Variants in CTNNBIP1 observed in about 807,000 individuals in gnomAD.
The protein encoded by CTNNBIP1 is beta-catenin-interacting protein 1.
Under a neutral mutation model 11.8 loss-of-function variants are expected in CTNNBIP1, and 7 were observed. The ratio of observed to expected loss-of-function variants is 0.60; its 90% CI spans 0.34 to 1.12. The LOEUF (loss-of-function observed/expected upper bound fraction) is 1.12, where lower values mean the gene tolerates loss of function less well. Ranked by LOEUF, CTNNBIP1 falls within the 50% of genes most tolerant of loss-of-function variation. The pLI, the probability that CTNNBIP1 is intolerant of heterozygous loss-of-function variation, is 0.03. For missense variants in CTNNBIP1, 101 were observed against 113.4 expected (o/e 0.89, Z 0.50); for synonymous variants, 58 against 43.9 (o/e 1.32, Z -1.26).
intron 1 of CTNNBIP1, among the ~76,000 whole-genome samples, chr1:9,906,646 CA>C (rs1217708901): frequency 6.6e-6 from 1 of 152,182 alleles, no homozygotes; most frequent in Non-Finnish European, 1.5e-5. Context: ...AGCTGTTCCC[CA>C]CAGGCAAGGA....
chr1:9,868,507 A>AT (rs1293329350), intron 5 of CTNNBIP1, among the ~76,000 whole-genome samples: 6 of 152,080 alleles, frequency 3.9e-5, no homozygotes, highest in African/African-American at 9.7e-5. Context: ...TCCTAAAAAT[A>AT]TTTTTTTTAA....
At chr1:9,888,117 C>A (rs1053994291) in intron 1 of CTNNBIP1, among the ~76,000 whole-genome samples, 5 of 151,878 alleles carry the variant, frequency 3.3e-5, no homozygotes, top group African/African-American at 1.2e-4. Flanking sequence ...AGCCACCACA[C>A]CCCGCTAATT....
intron 3 of CTNNBIP1, among the ~76,000 whole-genome samples, chr1:9,873,090 G>C (rs1638898974): frequency 6.6e-6 from 1 of 152,282 alleles, no homozygotes; most frequent in African/African-American, 2.4e-5. Context: ...TCTGTGCAGA[G>C]GGCAGCCTCA....
At position 9,867,657 on chromosome 1, in the gene CTNNBIP1, C is replaced by T. The variant is rs1006563697; in HGVS notation, c.187+3530G>A. Among the ~76,000 whole-genome samples the T allele has an allele frequency of 6.6e-6, 1 of 152,190 alleles. No individual in the cohort carries two copies. Among genetic ancestry groups the T allele is most frequent in the Non-Finnish European group, 1.5e-5 (1 of 68,026 alleles). Reference sequence around the variant, plus strand: ...GAGCATTTGCTGAGAGACAGCGCCACCTAGTGGGCAGGAGGTGCACGCCAG... The same window carrying T: ...GAGCATTTGCTGAGAGACAGCGCCATCTAGTGGGCAGGAGGTGCACGCCAG... On this transcript the variant is annotated intron_variant, in intron 5 of 5. Coordinates refer to ENST00000377263, the MANE Select transcript of CTNNBIP1 (RefSeq NM_020248.3). The surrounding 1 kb of genome is among the most constrained non-coding windows in gnomAD (Gnocchi z 4.6).
intron 1 of CTNNBIP1, among the ~76,000 whole-genome samples, chr1:9,890,009 C>T (rs1319447571): frequency 6.6e-6 from 1 of 152,248 alleles, no homozygotes; most frequent in Non-Finnish European, 1.5e-5. Context: ...CATGGCCTCA[C>T]TTCAGATAAT....
intron 5 of CTNNBIP1, among the ~76,000 whole-genome samples, chr1:9,869,496 T>C (rs757110633): frequency 8.5e-5 from 13 of 152,136 alleles, no homozygotes; most frequent in Non-Finnish European, 1.8e-4. Context: ...AGCTAACTTT[T>C]GTATTTTTAG....
At chr1:9,858,675 T>C (rs1192221668) in intron 5 of CTNNBIP1, among the ~76,000 whole-genome samples, 1 of 152,238 alleles carries the variant, frequency 6.6e-6, no homozygotes, top group East Asian at 1.9e-4. Context: ...GAGCTCTATA[T>C]TGAGCTGACC....
chr1:9,856,083 G>A (rs1289589864), intron 5 of CTNNBIP1, among the ~76,000 whole-genome samples: 1 of 152,122 alleles, frequency 6.6e-6, no homozygotes, highest in Non-Finnish European at 1.5e-5. Context: ...AGGAGCTGGA[G>A]GTTGCAGTGA....
chr1:9,864,380 G>A (rs867849885), intron 5 of CTNNBIP1, among the ~76,000 whole-genome samples: 1 of 152,252 alleles, frequency 6.6e-6, no homozygotes, highest in Non-Finnish European at 1.5e-5. Context: ...CCAGGCTGGA[G>A]TGCAGTGGCG....
rs540264127 is a variant in CTNNBIP1, at chr1:9,850,420, A to G, written c.*298T>C. ...AGATACCGAGGCGCAAATTTTTTAA[A>G]AAATAAGAGTCAGAAATAAAAATAA... On this transcript the variant is annotated 3_prime_UTR_variant, in exon 6 of 6. Coordinates refer to ENST00000377263, the MANE Select transcript of CTNNBIP1 (RefSeq NM_020248.3). The G allele has an allele frequency of 3.5e-6, 1 of 282,200 alleles. No homozygotes were observed. The highest frequency in any genetic ancestry group is 2.2e-5 in the African/African-American group (1 of 45,964). 17.5% of individuals were successfully genotyped at this position (282,200 alleles called of 1,614,324 possible).
intron 1 of CTNNBIP1, among the ~76,000 whole-genome samples, chr1:9,907,952 T>C (rs1570606415): frequency 6.6e-6 from 1 of 152,246 alleles, no homozygotes; most frequent in Non-Finnish European, 1.5e-5. Context: ...AATCAGACTT[T>C]ATTCTTTCTC....
intron 2 of CTNNBIP1, among the ~76,000 whole-genome samples, chr1:9,882,779 G>T (rs1003604777): frequency 5.4e-4 from 82 of 152,150 alleles, no homozygotes; most frequent in Non-Finnish European, 2.9e-5. Context: ...CCAGGGTGAG[G>T]CCCCAAAGGA....
chr1:9,887,983 C>A (rs190107887), intron 1 of CTNNBIP1, among the ~76,000 whole-genome samples: 22 of 151,850 alleles, frequency 1.4e-4, no homozygotes, highest in African/African-American at 4.8e-4. Context: ...ACCACCACAC[C>A]CAGCTAATTT....
intron 1 of CTNNBIP1, among the ~76,000 whole-genome samples, chr1:9,905,315 CAT>C (rs1639595760): frequency 6.6e-6 from 1 of 152,214 alleles, no homozygotes; most frequent in Non-Finnish European, 1.5e-5. Context: ...GATCACCATC[CAT>C]GTCTCCCAAA....
intron 1 of CTNNBIP1, among the ~76,000 whole-genome samples, chr1:9,903,286 C>T (rs78448480): frequency 0.049 from 7,387 of 152,156 alleles, 491 homozygotes; most frequent in East Asian, 0.22. Context: ...GAAACCAAGC[C>T]CTTTAACTCC....
At position 9,869,032 on chromosome 1, in the gene CTNNBIP1, C is replaced by T. The variant is rs534346301; in HGVS notation, c.187+2155G>A. 4.5e-3 allele frequency among the ~76,000 whole-genome samples: 682 copies of T among 152,318 alleles called. 2 individuals are homozygous for T. Among genetic ancestry groups the T allele is most frequent in the South Asian group, 8.7e-3 (42 of 4,826 alleles). ...TTTAAATTTATGAGACAGAGTCTCC[C>T]TCTGTTGCCCAGGCTGGGGTGCAGT... On this transcript the variant is annotated intron_variant, in intron 5 of 5. Coordinates refer to ENST00000377263, the MANE Select transcript of CTNNBIP1 (RefSeq NM_020248.3).
chr1:9,890,836 C>G (rs554922127), intron 1 of CTNNBIP1, among the ~76,000 whole-genome samples: 10 of 152,300 alleles, frequency 6.6e-5, no homozygotes, highest in African/African-American at 2.4e-4. Context: ...GAGAGATCCC[C>G]AGCAAGCTGA....
Position 9,851,600 on chromosome 1 carries a change from T to C in CTNNBIP1, c.188-824A>G, listed in dbSNP as rs1638387845. The stretch of plus-strand genomic sequence containing the variant: ...GTTGGTCAGGCTGGTCTCAAACTCC[T>C]GACCTCATGATCCACCCACCTCGGC... On this transcript the variant is annotated intron_variant, in intron 5 of 5. Coordinates refer to ENST00000377263, the MANE Select transcript of CTNNBIP1 (RefSeq NM_020248.3). The surrounding 1 kb of genome is among the most constrained non-coding windows in gnomAD (Gnocchi z 4.8). Among the ~76,000 whole-genome samples, 1 of 152,226 alleles carries C rather than the reference T, an allele frequency of 6.6e-6. No homozygotes were observed. The highest frequency in any genetic ancestry group is 2.4e-5 in the African/African-American group (1 of 41,462).
At position 9,857,142 on chromosome 1, in the gene CTNNBIP1, C is replaced by CA. The variant is rs375543329; in HGVS notation, c.188-6367dup. Among the ~76,000 whole-genome samples, 341 of 148,894 alleles carry CA rather than the reference C, an allele frequency of 2.3e-3. 2 individuals are homozygous for CA. The highest frequency in any genetic ancestry group is 7.7e-3 in the African/African-American group (312 of 40,452). ...ATCTCAAAAACAAAACAAAACAAAA[C>CA]AAAAAAAACCCTCAATAATAAAAAA... On this transcript the variant is annotated intron_variant, in intron 5 of 5. Coordinates refer to ENST00000377263, the MANE Select transcript of CTNNBIP1 (RefSeq NM_020248.3).
Sources: gnomAD v4.1 joint callset for allele counts (sites outside exome capture counted in the v4.1 genomes callset) on GRCh38, gnomAD v4.1.1 for gene constraint, Gnocchi (gnomAD v3.1) non-coding constraint, MANE v1.5 for transcripts, NCBI Gene and HGNC (gene_info 2026-07-23, HGNC 2026-07-21) for gene names.